Variants in CD55 observed in about 807,000 individuals in gnomAD.
The protein encoded by CD55 is CD55 molecule (Cromer blood group).
A neutral mutation model predicts 45.8 loss-of-function variants in CD55; 41 were observed. The ratio of observed to expected loss-of-function variants is 0.90; its 90% CI spans 0.70 to 1.16. CD55 has a LOEUF of 1.16. CD55 is among the 50% of genes most tolerant of loss of function. The pLI is 0.00. For missense variants in CD55, 416 were observed against 469.8 expected (o/e 0.89, Z 1.06); for synonymous variants, 181 against 181.1 (o/e 1.00, Z 0.01).
chr1:207,350,120 TG>T, intron 9 of CD55: 1 of 454,982 alleles, frequency 2.2e-6, no homozygotes, highest in Non-Finnish European at 4.4e-6. Flanking sequence ...GATGATCATG[TG>T]GTTTTTTTGT....
chr1:207,347,081 G>C, intron 9 of CD55: 1 of 456,072 alleles, frequency 2.2e-6, no homozygotes, highest in African/African-American at 2.0e-5. Flanking sequence ...AAATTCTAGT[G>C]TTCTCTCTTT....
In CD55 at chr1:207,324,592, C is replaced by G; in HGVS notation, c.320C>G (p.Ala107Gly). Reference sequence around the variant, plus strand: ...GAGGTGCCAACAAGGCTAAATTCTGCATCCCTCAAACAGCCTTATATCACT... The same window carrying G: ...GAGGTGCCAACAAGGCTAAATTCTGGATCCCTCAAACAGCCTTATATCACT... ...SCEVPTRLNS[A>G]SLKQPYITQN... Residue 107 changes from alanine to glycine, a missense_variant, in exon 3 of 10, where the codon GCA becomes GGA. By Grantham distance (60) the Ala-to-Gly change is moderately conservative. Around this residue, in one of 3 missense-constraint regions of CD55, gnomAD observed 111 missense variants for 163.4 expected, o/e 0.68. Transcript: ENST00000367064. 1 of 1,590,352 alleles carries G rather than the reference C, an allele frequency of 6.3e-7. No individual in the cohort carries two copies. The highest frequency in any genetic ancestry group is 8.6e-7 in the Non-Finnish European group (1 of 1,169,108).
chr1:207,324,785 T>A (rs776788552), intron 3 of CD55, 35 bp downstream of exon 3: 1 of 1,382,684 alleles, frequency 7.2e-7, no homozygotes, highest in Non-Finnish European at 1.0e-6. Context: ...TTCAACCATC[T>A]GGTGTTTGGG....
chr1:207,343,118 G>C (rs997210030), intron 9 of CD55, among the ~76,000 whole-genome samples: 1 of 151,500 alleles, frequency 6.6e-6, no homozygotes, highest in African/African-American at 2.4e-5. Flanking sequence ...TTATCAGTTT[G>C]GTTTATCTTT....
rs1656249074 is a variant in CD55 at position 207,360,327 on chromosome 1, T to G, written c.*717T>G. On this transcript the variant is annotated 3_prime_UTR_variant, in exon 10 of 10. Coordinates refer to ENST00000367064, the MANE Select transcript of CD55 (RefSeq NM_000574.5). ...ATAAGAAAAGATTATATATTATTTC[T>G]GAATCGAGATGTCCATAGTCAAATT... 6.6e-6 allele frequency: 1 copy of G among 152,228 alleles called. No homozygotes were observed. The highest frequency in any genetic ancestry group is 1.5e-5 in the Non-Finnish European group (1 of 68,022). 9.4% of individuals were successfully genotyped at this position (152,228 alleles called of 1,614,324 possible).
chr1:207,349,031 T>A (rs1655759480), intron 9 of CD55, among the ~76,000 whole-genome samples: 1 of 152,176 alleles, frequency 6.6e-6, no homozygotes, highest in Non-Finnish European at 1.5e-5. Flanking sequence ...TACTTACGGT[T>A]GTTTTGGCTA....
At chr1:207,335,769 G>A (rs532049325) in intron 6 of CD55, among the ~76,000 whole-genome samples, 2 of 152,266 alleles carry the variant, frequency 1.3e-5, no homozygotes. Context: ...AGGGCATCCC[G>A]TGTGTGATGG....
chr1:207,322,465 A>G lies in CD55; in HGVS notation c.184A>G (p.Thr62Ala). ...RTSFPEDTVI[T>A]YKCEESFVKI... ...AAGTTTTCCCGAGGATACTGTAATA[A>G]CGTACAAATGTGAAGAAAGCTTTGT... Residue 62 changes from threonine (T) to alanine (A), a missense_variant, in exon 2 of 10, where the codon ACG becomes GCG. Physicochemically the swap from Thr to Ala is moderately conservative, Grantham distance 58 (BLOSUM62 0). Around this residue, in one of 3 missense-constraint regions of CD55, gnomAD observed 123 missense variants for 105.1 expected, o/e 1.17. Transcript: ENST00000367064. The G allele has an allele frequency of 6.2e-7, 1 of 1,614,216 alleles. No homozygotes were observed. The highest frequency in any genetic ancestry group is 8.5e-7 in the Non-Finnish European group (1 of 1,180,016).
intron 9 of CD55, among the ~76,000 whole-genome samples, chr1:207,354,570 G>A (rs1656007696): frequency 6.6e-6 from 1 of 151,954 alleles, no homozygotes; most frequent in African/African-American, 2.4e-5. Flanking sequence ...TTTAATCTTA[G>A]GAACATTGGA....
intron 9 of CD55, chr1:207,354,098 A>AG (rs1456041076): frequency 2.6e-6 from 4 of 1,527,472 alleles, no homozygotes; most frequent in Non-Finnish European, 2.6e-6. Context: ...CAGTTCTTGG[A>AG]GGTAGGTAGA....
chr1:207,340,756 G>T, intron 9 of CD55: 1 of 453,720 alleles, frequency 2.2e-6, no homozygotes, highest in Non-Finnish European at 3.9e-6. Flanking sequence ...ATAAATATGT[G>T]AATGCACATA....
intron 9 of CD55, among the ~76,000 whole-genome samples, chr1:207,352,405 A>T (rs1655901830): frequency 6.6e-6 from 1 of 151,982 alleles, no homozygotes; most frequent in Non-Finnish European, 1.5e-5. Context: ...TTTTTTTTTA[A>T]CTTTCATCAG....
intron 6 of CD55, among the ~76,000 whole-genome samples, chr1:207,331,525 T>C (rs1176944626): frequency 6.6e-6 from 1 of 152,220 alleles, no homozygotes; most frequent in African/African-American, 2.4e-5. Context: ...ATATATAAAA[T>C]AGGCCTCATA....
rs143471404 is a variant in CD55 at position 207,337,341 on chromosome 1, C to T, written c.992C>T (p.Thr331Ile). 20 of 1,606,226 alleles carry T rather than the reference C, an allele frequency of 1.2e-5. No individual in the cohort carries two copies. The African/African-American group carries it at 2.0e-4, about 16-fold the overall frequency. The change falls in exon 8 of 10, where the codon ACA becomes ATA. Residue 331 changes from threonine to isoleucine, a missense_variant. Physicochemically the swap from Thr to Ile is moderately conservative, Grantham distance 89. Around this residue, in one of 3 missense-constraint regions of CD55, gnomAD observed 182 missense variants for 201.4 expected, o/e 0.90. Transcript: ENST00000367064. ...TTPNAQATRS[T>I]PVSRTTKHFH... ...GCTCATATTACAGCAACACGGAGTA[C>T]ACCTGTTTCCAGGACAACCAAGCAT... is the stretch of plus-strand genomic sequence containing the variant.
intron 2 of CD55, 89 bp from the exon 3 acceptor site, chr1:207,324,470 G>T: frequency 1.3e-6 from 1 of 764,084 alleles, no homozygotes; most frequent in South Asian, 2.3e-5. Context: ...TAAAGAAAGG[G>T]GGTTATTAGG....
intron 6 of CD55, among the ~76,000 whole-genome samples, chr1:207,332,975 C>G: frequency 6.6e-6 from 1 of 152,118 alleles, no homozygotes; most frequent in East Asian, 1.9e-4. Context: ...AAAGAGAAAC[C>G]AGCAAAGCTT....
In CD55 at chr1:207,353,262, G is replaced by A. The variant is rs555210022; in HGVS notation, c.1082-6284G>A. 2.4e-4 allele frequency among the ~76,000 whole-genome samples: 37 copies of A among 152,010 alleles called. 1 individual carries two copies. The South Asian group carries it at 5.8e-3, about 24-fold the overall frequency. On this transcript the variant is annotated intron_variant, in intron 9 of 9. Coordinates refer to ENST00000367064, the MANE Select transcript of CD55 (RefSeq NM_000574.5). ...ATTAAGGTGCCGTGATTCCCTACAA[G>A]TATTGCTTTATTCCCCTCTGTTGCC...
intron 9 of CD55, among the ~76,000 whole-genome samples, chr1:207,340,091 A>G (rs1355975018): frequency 6.6e-6 from 1 of 152,172 alleles, no homozygotes; most frequent in African/African-American, 2.4e-5. Context: ...GTTTATACCC[A>G]TCGGCCAAAG....
In CD55 at chr1:207,331,216, C is replaced by T. The variant is rs1297663012; in HGVS notation, c.773C>T (p.Thr258Ile). The change falls in exon 6 of 10, where the codon ACC becomes ATC. Residue 258 changes from threonine (T) to isoleucine (I), a missense_variant. Thr to Ile is a moderately conservative substitution (Grantham distance 89). This residue lies in a region of CD55 where 182 missense variants were observed against 201.4 expected (regional missense o/e 0.90). Transcript: ENST00000367064. ...ACGTATGCATGTAATAAAGGATTCACCATGATTGGAGAGCACTCTATTTAT... is the reference window on the plus strand; with the variant it reads ...ACGTATGCATGTAATAAAGGATTCATCATGATTGGAGAGCACTCTATTTAT... The part of the protein sequence containing the change: ...SVTYACNKGF[T>I]MIGEHSIYCT... 2 of 1,613,546 alleles carry T rather than the reference C, an allele frequency of 1.2e-6. No individual in the cohort carries two copies. The highest frequency in any genetic ancestry group is 1.7e-6 in the Non-Finnish European group (2 of 1,179,612).
Sources: gnomAD v4.1 joint callset for allele counts (sites outside exome capture counted in the v4.1 genomes callset) on GRCh38, gnomAD v4.1.1 for gene constraint, gnomAD v4.1.1 regional missense constraint, MANE v1.5 for transcripts, NCBI Gene and HGNC (gene_info 2026-07-23, HGNC 2026-07-21) for gene names.